SORCS2: variants seen among roughly 807,000 people sequenced by gnomAD.
SORCS2 encodes sortilin related VPS10 domain containing receptor 2, also known as VPS10 domain-containing receptor SorCS2.
A neutral mutation model predicts 141.6 loss-of-function variants in SORCS2; 100 were observed. The observed-to-expected ratio is 0.71, with a 90% CI of 0.60 to 0.83. The LOEUF (loss-of-function observed/expected upper bound fraction) is 0.83, where lower values mean the gene tolerates loss of function less well. Among genes scored for constraint, SORCS2 ranks in the 40% least tolerant of loss-of-function variants. SORCS2 has a pLI of 0.00. For synonymous variants in SORCS2, 789 were observed against 676.9 expected, an observed-to-expected ratio of 1.17 and a Z score of -2.57; for missense variants, 1,646 against 1,560.2, an observed-to-expected ratio of 1.05 and a Z score of -0.93.
intron 11 of SORCS2, among the ~76,000 whole-genome samples, chr4:7,694,221 G>A (rs1340475435): frequency 6.6e-6 from 1 of 152,130 alleles, no homozygotes; most frequent in Middle Eastern, 3.2e-3. Context: ...AAGGGCAGGG[G>A]TCCTGGGCCT....
intron 2 of SORCS2, among the ~76,000 whole-genome samples, chr4:7,504,028 G>C (rs1217726520): frequency 6.6e-6 from 1 of 152,184 alleles, no homozygotes; most frequent in Non-Finnish European, 1.5e-5. Context: ...AGCAGAGGAG[G>C]AGCTTGTGCT....
intron 1 of SORCS2, among the ~76,000 whole-genome samples, chr4:7,239,416 A>G (rs1577311119): frequency 1.3e-5 from 2 of 152,212 alleles, no homozygotes; most frequent in Admixed American, 6.5e-5. Context: ...CAGTGGCTCC[A>G]ATAACCACGC....
intron 2 of SORCS2, among the ~76,000 whole-genome samples, chr4:7,458,165 C>T (rs923968190): frequency 6.6e-6 from 1 of 152,064 alleles, no homozygotes; most frequent in African/African-American, 2.4e-5. Context: ...GTGGGCAGCA[C>T]CGAGGCCTGG....
intron 1 of SORCS2, among the ~76,000 whole-genome samples, chr4:7,288,492 G>A (rs1338718824): frequency 7.0e-6 from 1 of 143,798 alleles, no homozygotes; most frequent in Non-Finnish European, 1.5e-5. Flanking sequence ...CAGAACTGGC[G>A]TCTGGTGAGG....
At chr4:7,685,228 T>C (rs1723801042) in intron 10 of SORCS2, among the ~76,000 whole-genome samples, 1 of 152,200 alleles carries the variant, frequency 6.6e-6, no homozygotes, top group African/African-American at 2.4e-5. Context: ...GGAGATAACC[T>C]CGGTGAGATT....
intron 1 of SORCS2, among the ~76,000 whole-genome samples, chr4:7,337,158 G>A (rs573522643): frequency 6.6e-6 from 1 of 152,326 alleles, no homozygotes; most frequent in East Asian, 1.9e-4. Context: ...ATTGCAGAAG[G>A]TGGGGCTGGA....
intron 1 of SORCS2, among the ~76,000 whole-genome samples, chr4:7,367,381 T>C (rs1358330281): frequency 1.3e-5 from 2 of 152,234 alleles, no homozygotes; most frequent in Non-Finnish European, 2.9e-5. Context: ...CTCTGCCATT[T>C]GCTAGCTGTG....
At chr4:7,517,876 G>A (rs928334969) in intron 2 of SORCS2, among the ~76,000 whole-genome samples, 7 of 152,222 alleles carry the variant, frequency 4.6e-5, no homozygotes, top group East Asian at 1.9e-4. Flanking sequence ...CGCACAGCAC[G>A]TGGTAGGCAC....
intron 9 of SORCS2, among the ~76,000 whole-genome samples, chr4:7,678,319 G>T (rs1050561039): frequency 6.6e-6 from 1 of 150,978 alleles, no homozygotes; most frequent in Non-Finnish European, 1.5e-5. Flanking sequence ...GTTCGCAGTG[G>T]CCCGGTCCAA....
intron 3 of SORCS2, among the ~76,000 whole-genome samples, chr4:7,588,569 C>T (rs1030724484): frequency 2.0e-5 from 3 of 152,114 alleles, no homozygotes; most frequent in African/African-American, 2.4e-5. Flanking sequence ...GTTGAAGAGC[C>T]CCCCTCTGAC....
intron 26 of SORCS2, among the ~76,000 whole-genome samples, chr4:7,738,542 CCT>C (rs1268418276): frequency 6.6e-6 from 1 of 152,300 alleles, no homozygotes; most frequent in Admixed American, 6.5e-5. Context: ...TCGGCACACA[CCT>C]CTCACCGTTG....
intron 1 of SORCS2, among the ~76,000 whole-genome samples, chr4:7,206,845 A>G (rs1727770369): frequency 2.6e-5 from 4 of 152,182 alleles, no homozygotes. Flanking sequence ...AAACAAAACA[A>G]GACAAAACAA....
intron 2 of SORCS2, among the ~76,000 whole-genome samples, chr4:7,470,240 T>TCCATCCTC (rs569215552): frequency 1.3e-4 from 19 of 150,880 alleles, no homozygotes; most frequent in East Asian, 3.9e-4. Context: ...CATCCACCCA[T>TCCATCCTC]CCATCCTCCC....
At chr4:7,541,299 C>A (rs1184914671) in intron 3 of SORCS2, among the ~76,000 whole-genome samples, 1 of 152,206 alleles carries the variant, frequency 6.6e-6, no homozygotes, top group Non-Finnish European at 1.5e-5. Context: ...CTCAGGGTGC[C>A]TCGTGGGACC....
At chr4:7,685,916 GA>G (rs1257735742) in intron 10 of SORCS2, among the ~76,000 whole-genome samples, 4 of 152,198 alleles carry the variant, frequency 2.6e-5, no homozygotes, top group African/African-American at 7.2e-5. Context: ...AGAATGCTTG[GA>G]AGATACAGAA....
chr4:7,455,017 G>GAC (rs1728786812), intron 2 of SORCS2, among the ~76,000 whole-genome samples: 1 of 116,526 alleles, frequency 8.6e-6, no homozygotes, highest in Non-Finnish European at 1.8e-5. Context: ...GTTAGGGTCA[G>GAC]GCAGTGTGTT....
intron 10 of SORCS2, among the ~76,000 whole-genome samples, chr4:7,688,914 C>T (rs181573939): frequency 6.6e-6 from 1 of 152,318 alleles, no homozygotes; most frequent in Admixed American, 6.5e-5. Flanking sequence ...ACACTTAACC[C>T]ACCCCTCTGT....
At chr4:7,595,278 G>A (rs910808788) in intron 3 of SORCS2, among the ~76,000 whole-genome samples, 7 of 152,170 alleles carry the variant, frequency 4.6e-5, no homozygotes, top group African/African-American at 7.2e-5. Context: ...CTCTCCAGCC[G>A]TGCCACCCTC....
Position 7,615,489 on chromosome 4 carries a change from C to A in SORCS2, c.649-22839C>A, listed in dbSNP as rs550185628. Among the ~76,000 whole-genome samples, 79 of 152,300 alleles carry A rather than the reference C, an allele frequency of 5.2e-4. 1 individual carries two copies. Among genetic ancestry groups the A allele is most frequent in the Admixed American group, 5.1e-3 (78 of 15,300 alleles). Reference sequence around the variant, plus strand: ...TGGGTAAAGTCTTTGACCAGGAGAGCAGCAGCACTGTTGCACCCTGGGGTG... The same window carrying A: ...TGGGTAAAGTCTTTGACCAGGAGAGAAGCAGCACTGTTGCACCCTGGGGTG... On this transcript the variant is annotated intron_variant, in intron 3 of 26. Transcript: ENST00000507866.
Sources: gnomAD v4.1 joint callset for allele counts (sites outside exome capture counted in the v4.1 genomes callset) on GRCh38, gnomAD v4.1.1 for gene constraint, MANE v1.5 for transcripts, NCBI Gene and HGNC (gene_info 2026-07-23, HGNC 2026-07-21) for gene names.